Variants in MAGI2 observed in about 807,000 individuals in gnomAD.
The protein encoded by MAGI2 is membrane-associated guanylate kinase, WW and PDZ domain-containing protein 2.
In MAGI2, 35 loss-of-function variants were observed where a neutral mutation model predicts 133.3. That is an observed-to-expected ratio of 0.26 (90% CI 0.20 to 0.35). The LOEUF (loss-of-function observed/expected upper bound fraction) is 0.35. Among genes scored for constraint, MAGI2 ranks in the 10% least tolerant of loss-of-function variants. The probability of loss-of-function intolerance (pLI) is 1.00; values close to 1 mark genes in which losing one functional copy is unlikely to be tolerated. For missense variants in MAGI2, 1,636 were observed against 1,863.4 expected, an observed-to-expected ratio of 0.88 and a Z score of 2.25; for synonymous variants, 729 against 710.6, an observed-to-expected ratio of 1.03 and a Z score of -0.41.
chr7:79,372,802 A>T, intron 1 of MAGI2, among the ~76,000 whole-genome samples: 1 of 152,052 alleles, frequency 6.6e-6, no homozygotes, highest in East Asian at 1.9e-4. Flanking sequence ...AGACTCAAAG[A>T]AAATAGAATA....
At chr7:78,863,859 C>A (rs896382048) in intron 2 of MAGI2, among the ~76,000 whole-genome samples, 1 of 152,134 alleles carries the variant, frequency 6.6e-6, no homozygotes, top group African/African-American at 2.4e-5. Flanking sequence ...CCTTTATACT[C>A]CCTTTAAATT....
rs1316150719 is a variant in MAGI2, at chr7:79,231,467, C to A, written c.301+221553G>T. ...ATTTGTTTGTATCCTCTTTTATTTC[C>A]TTGAGCAGTGGTTTGTAGTTCTCCT... On this transcript the variant is annotated intron_variant, in intron 1 of 21. Transcript: ENST00000354212. Among the ~76,000 whole-genome samples the A allele has an allele frequency of 1.6e-4, 12 of 75,748 alleles. 1 individual carries two copies. Among genetic ancestry groups the A allele is most frequent in the African/African-American group, 3.4e-4 (9 of 26,464 alleles). The allele number at this position is 75,748 out of a possible 152,430, so 49.7% of individuals were successfully genotyped here. A position where few individuals can be genotyped will look rare whatever the true frequency, so the allele number is the denominator to read the frequency against.
chr7:78,320,525 A>G (rs968008437), intron 9 of MAGI2, among the ~76,000 whole-genome samples: 2 of 152,216 alleles, frequency 1.3e-5, no homozygotes, highest in African/African-American at 2.4e-5. Context: ...CAAAAAACAC[A>G]TGATTATCTC....
At chr7:78,090,093 C>G (rs748301014) in intron 20 of MAGI2, among the ~76,000 whole-genome samples, 10 of 152,300 alleles carry the variant, frequency 6.6e-5, no homozygotes, top group East Asian at 3.9e-4. Context: ...CTGGATCCTT[C>G]AATCCCATCT....
At chr7:79,051,529 C>A (rs1192849364) in intron 1 of MAGI2, among the ~76,000 whole-genome samples, 1 of 152,124 alleles carries the variant, frequency 6.6e-6, no homozygotes, top group Non-Finnish European at 1.5e-5. Context: ...GCAGCAGGAG[C>A]AAAGTTCAGG....
At chr7:78,367,154 T>A (rs1793466364) in intron 7 of MAGI2, among the ~76,000 whole-genome samples, 1 of 133,522 alleles carries the variant, frequency 7.5e-6, no homozygotes, top group Non-Finnish European at 1.6e-5. Context: ...ATAAGAAAAA[T>A]TTTCGTTTAG....
chr7:78,465,223 A>C (rs1403845007), intron 6 of MAGI2, among the ~76,000 whole-genome samples: 3 of 152,198 alleles, frequency 2.0e-5, no homozygotes, highest in Admixed American at 6.5e-5. Flanking sequence ...GTTTGTACTG[A>C]TATGAGCAGG....
chr7:78,202,399 T>C (rs1378849409), intron 10 of MAGI2, among the ~76,000 whole-genome samples: 1 of 152,052 alleles, frequency 6.6e-6, no homozygotes, highest in African/African-American at 2.4e-5. Flanking sequence ...AGAATTAAAC[T>C]GGGCCGGGTG....
chr7:79,129,726 A>G (rs1345999380), intron 1 of MAGI2, among the ~76,000 whole-genome samples: 3 of 152,234 alleles, frequency 2.0e-5, no homozygotes, highest in Non-Finnish European at 4.4e-5. Flanking sequence ...GCAAAATGAC[A>G]AAAAGACCAA....
intron 3 of MAGI2, among the ~76,000 whole-genome samples, chr7:78,623,438 T>C (rs1482164232): frequency 6.6e-6 from 1 of 152,262 alleles, no homozygotes; most frequent in African/African-American, 2.4e-5. Context: ...TTATTTTCTA[T>C]GATTTACAGT....
At chr7:78,534,939 C>T (rs1355854240) in intron 3 of MAGI2, among the ~76,000 whole-genome samples, 2 of 152,240 alleles carry the variant, frequency 1.3e-5, no homozygotes, top group Non-Finnish European at 1.5e-5. Flanking sequence ...TCAAGACCAG[C>T]CTGGCCAAGA....
chr7:79,303,624 G>GT (rs1837544048), intron 1 of MAGI2, among the ~76,000 whole-genome samples: 1 of 152,102 alleles, frequency 6.6e-6, no homozygotes, highest in African/African-American at 2.4e-5. Context: ...GTTTGAATTG[G>GT]TTTGTTGATT....
intron 6 of MAGI2, among the ~76,000 whole-genome samples, chr7:78,429,392 G>T (rs980678055): frequency 9.9e-5 from 15 of 151,684 alleles, no homozygotes; most frequent in African/African-American, 4.9e-5. Context: ...GCTGAGGAGG[G>T]CTTACAGGCA....
intron 11 of MAGI2, among the ~76,000 whole-genome samples, chr7:78,196,602 G>A (rs1212431815): frequency 2.6e-5 from 4 of 152,118 alleles, no homozygotes; most frequent in Non-Finnish European, 5.9e-5. Flanking sequence ...GAAGGGATGT[G>A]AGGTGCCATA....
intron 1 of MAGI2, among the ~76,000 whole-genome samples, chr7:79,268,994 C>A (rs1414066871): frequency 1.3e-5 from 2 of 152,104 alleles, no homozygotes; most frequent in Non-Finnish European, 2.9e-5. Flanking sequence ...AATGCTCTTC[C>A]CCACGTCATT....
chr7:78,444,895 GTGTATA>G (rs889432750), intron 6 of MAGI2, among the ~76,000 whole-genome samples: 13 of 145,772 alleles, frequency 8.9e-5, no homozygotes, highest in African/African-American at 3.0e-4. Flanking sequence ...ATACATATGT[GTGTATA>G]TATACAAATA....
intron 1 of MAGI2, among the ~76,000 whole-genome samples, chr7:79,368,921 G>C (rs1296619462): frequency 1.4e-5 from 2 of 143,718 alleles, no homozygotes; most frequent in African/African-American, 5.1e-5. Context: ...AAAATAGAAA[G>C]TGCTACCCCA....
At chr7:78,459,637 T>A (rs112758103) in intron 6 of MAGI2, among the ~76,000 whole-genome samples, 12 of 152,196 alleles carry the variant, frequency 7.9e-5, no homozygotes, top group Non-Finnish European at 1.3e-4. Context: ...ATGAATCCCA[T>A]AAAACTTAAT....
At position 78,185,687 on chromosome 7, in the gene MAGI2, G is replaced by T; in HGVS notation, c.2270-17C>A. The T allele has an allele frequency of 6.5e-7, 1 of 1,548,062 alleles. No individual in the cohort carries two copies. Among genetic ancestry groups the T allele is most frequent in the South Asian group, 1.2e-5 (1 of 80,144 alleles). ...GCACTTGTTCTGGATGGGAAAATGG[G>T]GAATTAAAGTTGAAATTCATTTATG... On this transcript the variant is annotated splice_polypyrimidine_tract_variant and intron_variant, in intron 12 of 21. Coordinates refer to ENST00000354212, the MANE Select transcript of MAGI2 (RefSeq NM_012301.4).
Sources: gnomAD v4.1 joint callset for allele counts (sites outside exome capture counted in the v4.1 genomes callset) on GRCh38, gnomAD v4.1.1 for gene constraint, MANE v1.5 for transcripts, NCBI Gene and HGNC (gene_info 2026-07-23, HGNC 2026-07-21) for gene names.